Variants in NLRC5 observed in about 807,000 individuals in gnomAD.
The protein encoded by NLRC5 is protein NLRC5.
NLRC5 carries 114 observed loss-of-function variants against 206.9 expected under a neutral mutation model. The ratio of observed to expected loss-of-function variants is 0.55; its 90% CI spans 0.47 to 0.64. NLRC5 has a LOEUF of 0.64. NLRC5 is among the 30% of genes least tolerant of loss of function. The pLI, the probability that NLRC5 is intolerant of heterozygous loss-of-function variation, is 0.00. For synonymous variants in NLRC5, 952 were observed against 962.8 expected (o/e 0.99, Z 0.21); for missense variants, 2,008 against 2,305.5 (o/e 0.87, Z 2.64).
At chr16:57,055,320 T>A in intron 26 of NLRC5, 113 bp from the exon 27 acceptor site, 1 of 1,049,840 alleles carries the variant, frequency 9.5e-7, no homozygotes, top group South Asian at 1.4e-5. Flanking sequence ...GGGTCCAAGC[T>A]TGAGTGGAGA....
rs747674320 is a variant in NLRC5, at chr16:57,026,816, C to G, written c.1873C>G (p.Pro625Ala). 3 of 1,614,200 alleles carry G rather than the reference C, an allele frequency of 1.9e-6. No homozygotes were observed. The highest frequency in any genetic ancestry group is 2.2e-5 in the East Asian group (1 of 44,880). ...LCHCVDETQEPELASLTAQSL... is the reference protein window; with the variant it reads ...LCHCVDETQEAELASLTAQSL... ...TCACTGTGTGGATGAGACACAGGAG[C>G]CTGAGCTGGCCAGTCTCACCGCACA... The change falls in exon 6 of 49, where the codon CCT becomes GCT. Residue 625 changes from proline (P) to alanine (A), a missense_variant. Physicochemically the swap from Pro to Ala is conservative, Grantham distance 27. Transcript: ENST00000688547.
chr16:57,066,700 C>A (rs1285083614), intron 34 of NLRC5, 86 bp downstream of exon 34: 4 of 1,213,218 alleles, frequency 3.3e-6, no homozygotes, highest in Non-Finnish European at 4.8e-6. Context: ...CACCACCCTG[C>A]CCAGAGACCT....
intron 1 of NLRC5, among the ~76,000 whole-genome samples, chr16:57,009,624 A>G (rs544348889): frequency 1.7e-4 from 26 of 152,260 alleles, no homozygotes; most frequent in African/African-American, 6.0e-4. Flanking sequence ...TATTATATAC[A>G]ACTGTGAGCT....
chr16:57,081,875 T>C (rs1359812846), intron 48 of NLRC5, among the ~76,000 whole-genome samples: 1 of 152,256 alleles, frequency 6.6e-6, no homozygotes, highest in East Asian at 1.9e-4. Flanking sequence ...TGATAGTATC[T>C]ACCTCAGAGA....
At chr16:57,019,188 G>A (rs1045882472) in intron 2 of NLRC5, among the ~76,000 whole-genome samples, 6 of 152,156 alleles carry the variant, frequency 3.9e-5, no homozygotes, top group Non-Finnish European at 5.9e-5. Flanking sequence ...CTGAGGTCAG[G>A]AGTTTGAGCC....
At chr16:57,011,480 C>T (rs879594469) in intron 1 of NLRC5, among the ~76,000 whole-genome samples, 8 of 151,796 alleles carry the variant, frequency 5.3e-5, no homozygotes, top group Non-Finnish European at 1.0e-4. Context: ...CCAGCACTTA[C>T]GGAGGCTGAT....
chr16:57,043,056 G>T lies in NLRC5; in HGVS notation c.3114-459G>T, dbSNP rs145993977. Among the ~76,000 whole-genome samples the T allele has an allele frequency of 6.8e-3, 1,033 of 152,260 alleles. 14 individuals are homozygous for T. The highest frequency in any genetic ancestry group is 0.018 in the African/African-American group (736 of 41,530). On this transcript the variant is annotated intron_variant, in intron 19 of 48. Transcript: ENST00000688547. ...TCGCCCTACCAGTGTCCCCGTGGGA[G>T]GGGAGTGTAGCATTAAATAGTAAAT...
intron 1 of NLRC5, among the ~76,000 whole-genome samples, chr16:56,994,425 C>T (rs2057351238): frequency 6.6e-6 from 1 of 152,230 alleles, no homozygotes; most frequent in African/African-American, 2.4e-5. Context: ...AGCTTCCACA[C>T]ACCAGGCCCT....
At chr16:57,038,499 C>G (rs1191069457) in intron 15 of NLRC5, among the ~76,000 whole-genome samples, 1 of 152,158 alleles carries the variant, frequency 6.6e-6, no homozygotes, top group African/African-American at 2.4e-5. Context: ...CTCATGTGAT[C>G]CTCCTGCCCT....
In NLRC5 at chr16:57,025,491, G is replaced by A. The variant is rs756288225; in HGVS notation, c.548G>A (p.Arg183Gln). 1.4e-5 allele frequency: 23 copies of A among 1,613,266 alleles called. No homozygotes were observed. The highest frequency in any genetic ancestry group is 7.7e-5 in the South Asian group (7 of 90,956). ...GTCTATGTCCCTCCAATCCTGCGCC[G>A]GGCCACAGCATCCTTAGACACTCCG... is the stretch of plus-strand genomic sequence containing the variant. ...HQVYVPPILR[R>Q]ATASLDTPEG... The change falls in exon 6 of 49, where the codon CGG (arginine) becomes CAG (glutamine). Residue 183 changes from arginine (R) to glutamine (Q), a missense_variant. Transcript: ENST00000688547.
At position 57,040,630 on chromosome 16, in the gene NLRC5, C is replaced by T. The variant is rs553712131; in HGVS notation, c.2871-20C>T. 1.4e-5 allele frequency: 22 copies of T among 1,613,488 alleles called. No homozygotes were observed. The highest frequency in any genetic ancestry group is 1.9e-5 in the Non-Finnish European group (22 of 1,179,446). On this transcript the variant is annotated intron_variant, in intron 16 of 48. Transcript: ENST00000688547. Reference sequence around the variant, plus strand: ...CGGACATGGCCTTTGCTCAGCCTGGCCTTGGTGATGTCCCTCCAGGGCTGC... The same window carrying T: ...CGGACATGGCCTTTGCTCAGCCTGGTCTTGGTGATGTCCCTCCAGGGCTGC...
rs182327844 is a variant in NLRC5, at chr16:57,053,853, G to A, written c.3507-898G>A. On this transcript the variant is annotated intron_variant, in intron 24 of 48. Transcript: ENST00000688547. ...CCTCATTTGGGTTTTCAAAAGTTCAGACTGAGTGCTGGGTAGAGAATGGAT... is the reference window on the plus strand; with the variant it reads ...CCTCATTTGGGTTTTCAAAAGTTCAAACTGAGTGCTGGGTAGAGAATGGAT... Among the ~76,000 whole-genome samples, 34 of 152,288 alleles carry A rather than the reference G, an allele frequency of 2.2e-4. No individual in the cohort carries two copies. In the East Asian group the frequency reaches 6.6e-3, roughly 29 times the overall value.
chr16:57,061,942 G>A (rs74023651), intron 32 of NLRC5: 2 of 1,496,254 alleles, frequency 1.3e-6, no homozygotes, highest in African/African-American at 1.9e-5. Context: ...AAGAAAGAAA[G>A]AAAGAAAGAA....
intron 1 of NLRC5, among the ~76,000 whole-genome samples, chr16:56,994,845 C>CATTTTTGCA (rs2057409028): frequency 1.3e-5 from 2 of 152,144 alleles, no homozygotes; most frequent in South Asian, 4.1e-4. Flanking sequence ...TTGTGAATGA[C>CATTTTTGCA]ATTTTTGCAA....
At chr16:57,029,011 T>A (rs1325012675) in intron 8 of NLRC5, among the ~76,000 whole-genome samples, 3 of 152,168 alleles carry the variant, frequency 2.0e-5, no homozygotes, top group Non-Finnish European at 4.4e-5. Context: ...GGCACCTTTA[T>A]GACATTTAGA....
At chr16:57,005,477 A>G (rs1234257656) in intron 1 of NLRC5, among the ~76,000 whole-genome samples, 4 of 144,906 alleles carry the variant, frequency 2.8e-5, no homozygotes, top group Non-Finnish European at 6.0e-5. Flanking sequence ...TGGGCAACAT[A>G]GCGGGACCTC....
rs751247247 is a variant in NLRC5, at chr16:57,043,600, A to T, written c.3199A>T (p.Ile1067Phe). 8 of 1,613,616 alleles carry T rather than the reference A, an allele frequency of 5.0e-6. No individual in the cohort carries two copies. The highest frequency in any genetic ancestry group is 6.8e-6 in the Non-Finnish European group (8 of 1,179,578). ...TCTGCAGTGGCTCTTCCGCTTGGAC[A>T]TCAGGTGAGCGTGCCTCTCCGCCCC... ...STLQWLFRLD[I>F]SFESQHILLR... is the part of the protein sequence containing the mutation. The change falls in exon 20 of 49, where the codon ATC becomes TTC. Residue 1067 changes from isoleucine to phenylalanine, a missense_variant. Ile to Phe is a conservative substitution (Grantham distance 21). Transcript: ENST00000688547.
intron 5 of NLRC5, among the ~76,000 whole-genome samples, chr16:57,024,917 G>A (rs928650395): frequency 3.9e-5 from 6 of 152,192 alleles, no homozygotes; most frequent in Admixed American, 2.6e-4. Flanking sequence ...GGCTGAGGCA[G>A]GAGGATCACT....
Position 57,077,289 on chromosome 16 carries a change from C to A in NLRC5, c.4836-7C>A, listed in dbSNP as rs751386430. ...AGAAGGCTGATGAAGCTGTTTTCTC[C>A]CCCAAGCTTGAGCCACAACCAGATT... On this transcript the variant is annotated splice_region_variant and splice_polypyrimidine_tract_variant and intron_variant, in intron 40 of 48. Coordinates refer to ENST00000688547, the MANE Select transcript of NLRC5 (RefSeq NM_001384950.1). 6.2e-7 allele frequency: 1 copy of A among 1,613,800 alleles called. No homozygotes were observed. The highest frequency in any genetic ancestry group is 8.5e-7 in the Non-Finnish European group (1 of 1,179,746).
Sources: allele counts gnomAD v4.1 joint callset (sites outside exome capture counted in the v4.1 genomes callset), GRCh38; gene constraint gnomAD v4.1.1; transcripts MANE v1.5; gene names NCBI Gene and HGNC (gene_info 2026-07-23, HGNC 2026-07-21).